Variants in CRB1 observed in about 807,000 individuals in gnomAD.
The protein encoded by CRB1 is crumbs cell polarity complex component 1.
Under a neutral mutation model 120.0 loss-of-function variants are expected in CRB1, and 83 were observed. The observed-to-expected ratio is 0.69, with a 90% CI of 0.58 to 0.83. CRB1 has a LOEUF of 0.83. Among genes scored for constraint, CRB1 ranks in the 40% least tolerant of loss-of-function variants. CRB1 has a pLI of 0.00. For missense variants in CRB1, 1,699 were observed against 1,687.6 expected (o/e 1.01, Z -0.12); for synonymous variants, 625 against 612.5 (o/e 1.02, Z -0.30).
At chr1:197,453,798 TTAA>T (rs1210809693) in intron 11 of CRB1, among the ~76,000 whole-genome samples, 5 of 143,330 alleles carry the variant, frequency 3.5e-5, no homozygotes, top group Admixed American at 7.3e-5. Flanking sequence ...TATTAATATA[TTAA>T]TAATAATATA....
At chr1:197,309,262 GTCT>G (rs932760172) in intron 1 of CRB1, among the ~76,000 whole-genome samples, 1 of 151,974 alleles carries the variant, frequency 6.6e-6, no homozygotes, top group Non-Finnish European at 1.5e-5. Flanking sequence ...GACTACTGTG[GTCT>G]TCTACAGAAG....
chr1:197,381,671 C>G (rs771319500), intron 5 of CRB1, among the ~76,000 whole-genome samples: 3 of 152,156 alleles, frequency 2.0e-5, no homozygotes, highest in Admixed American at 6.5e-5. Flanking sequence ...ACACATGCAG[C>G]CTTCAATTTG....
At chr1:197,355,637 G>T (rs930855034) in intron 4 of CRB1, among the ~76,000 whole-genome samples, 3 of 152,194 alleles carry the variant, frequency 2.0e-5, no homozygotes, top group Non-Finnish European at 4.4e-5. Flanking sequence ...CTGCTGGCCC[G>T]GGTGCTAAGC....
chr1:197,426,978 C>A (rs17554990), intron 6 of CRB1, among the ~76,000 whole-genome samples: 24,372 of 152,156 alleles, frequency 0.16, 2,342 homozygotes, highest in Non-Finnish European at 0.21. Context: ...GGTTTAATGA[C>A]ATGTTTGCTT....
At chr1:197,329,238 A>G (rs1658713464) in intron 2 of CRB1, among the ~76,000 whole-genome samples, 1 of 152,212 alleles carries the variant, frequency 6.6e-6, no homozygotes, top group Non-Finnish European at 1.5e-5. Flanking sequence ...TACATGATTT[A>G]AAACTGGATT....
At position 197,434,840 on chromosome 1, in the gene CRB1, G is replaced by A. The variant is rs151092557; in HGVS notation, c.2977G>A (p.Glu993Lys). 339 of 1,613,804 alleles carry A rather than the reference G, an allele frequency of 2.1e-4. 3 individuals are homozygous for A. The African/African-American group carries it at 3.8e-3, about 18-fold the overall frequency. The change falls in exon 9 of 12, where the codon GAA becomes AAA. Residue 993 changes from glutamate to lysine, a missense_variant. Glu to Lys is a moderately conservative substitution (Grantham distance 56, BLOSUM62 1). Coordinates refer to ENST00000367400, the MANE Select transcript of CRB1 (RefSeq NM_201253.3). ...TGCAAATGTAATAATATTGCATGCAGAAAAAGAGCCTGAATTTCTTAATAT... is the reference window on the plus strand; with the variant it reads ...TGCAAATGTAATAATATTGCATGCAAAAAAAGAGCCTGAATTTCTTAATAT... ...RDANVIILHA[E>K]KEPEFLNISI...
intron 6 of CRB1, among the ~76,000 whole-genome samples, 197 bp from the exon 7 acceptor site, chr1:197,427,257 T>G (rs992497379): frequency 2.6e-5 from 4 of 152,126 alleles, no homozygotes; most frequent in Admixed American, 6.6e-5. Context: ...TAAAGTAAAC[T>G]CAGAAGTCCA....
rs571001153 is a variant in CRB1 at position 197,427,647 on chromosome 1, G to A, written c.2322G>A (p.Met774Ile). 7 of 1,613,896 alleles carry A rather than the reference G, an allele frequency of 4.3e-6. No individual in the cohort carries two copies. Among genetic ancestry groups the A allele is most frequent in the South Asian group, 2.2e-5 (2 of 91,062 alleles). Residue 774 changes from methionine (M) to isoleucine (I), a missense_variant, in exon 7 of 12, where the codon ATG (methionine) becomes ATA (isoleucine). By Grantham distance (10) the Met-to-Ile change is conservative. Coordinates refer to ENST00000367400, the MANE Select transcript of CRB1 (RefSeq NM_201253.3). The stretch of plus-strand genomic sequence containing the variant: ...GGCTAGAGCGCGGCAGACTAGCAAT[G>A]CTGACTCCAAACTCTCCCAAATTAG... ...RVWLERGRLA[M>I]LTPNSPKLVV... is the part of the protein sequence containing the mutation.
intron 1 of CRB1, among the ~76,000 whole-genome samples, chr1:197,289,606 A>G (rs72740517): frequency 0.17 from 25,543 of 151,770 alleles, 2,376 homozygotes; most frequent in Middle Eastern, 0.25. Context: ...TCTCTTCGCC[A>G]TTCTCTCTGT....
At chr1:197,306,223 G>C (rs1485292709) in intron 1 of CRB1, among the ~76,000 whole-genome samples, 1 of 152,122 alleles carries the variant, frequency 6.6e-6, no homozygotes, top group Non-Finnish European at 1.5e-5. Context: ...TTGCTATATA[G>C]CAAGCTGTAA....
intron 1 of CRB1, among the ~76,000 whole-genome samples, chr1:197,270,957 T>C (rs1654873826): frequency 6.6e-6 from 1 of 152,130 alleles, no homozygotes; most frequent in Non-Finnish European, 1.5e-5. Flanking sequence ...TCCCAGCACT[T>C]TGAGAGGCTG....
At chr1:197,294,233 C>T (rs1394180187) in intron 1 of CRB1, among the ~76,000 whole-genome samples, 3 of 151,944 alleles carry the variant, frequency 2.0e-5, no homozygotes, top group Admixed American at 6.6e-5. Context: ...ATCAAACAAC[C>T]CCATCAAAAA....
intron 1 of CRB1, among the ~76,000 whole-genome samples, chr1:197,311,121 C>G (rs1319788788): frequency 1.3e-5 from 2 of 152,124 alleles, no homozygotes; most frequent in African/African-American, 4.8e-5. Flanking sequence ...GTCACAGTAG[C>G]CAAGACATGG....
intron 1 of CRB1, among the ~76,000 whole-genome samples, chr1:197,285,869 A>G (rs1655793833): frequency 6.6e-6 from 1 of 151,926 alleles, no homozygotes; most frequent in African/African-American, 2.4e-5. Context: ...CTCAATAAAT[A>G]TTAATTTTTA....
At chr1:197,370,877 A>G (rs1218866200) in intron 5 of CRB1, among the ~76,000 whole-genome samples, 1 of 152,134 alleles carries the variant, frequency 6.6e-6, no homozygotes, top group Non-Finnish European at 1.5e-5. Flanking sequence ...GACAACCGAT[A>G]CAAACCATTA....
chr1:197,286,408 A>C (rs922347432), intron 1 of CRB1, among the ~76,000 whole-genome samples: 1 of 151,932 alleles, frequency 6.6e-6, no homozygotes, highest in Non-Finnish European at 1.5e-5. Context: ...TGGCAAAGTA[A>C]GTGACAGAGC....
At chr1:197,233,308 G>A in the CRB1 span, among the ~76,000 whole-genome samples, 33 of 152,168 alleles carry the variant, frequency 2.2e-4, no homozygotes, top group Non-Finnish European at 1.5e-5. Context: ...TCAAGTAGTT[G>A]CCCTAATTGC....
At chr1:197,239,985 T>C in the CRB1 span, among the ~76,000 whole-genome samples, 892 of 151,610 alleles carry the variant, frequency 5.9e-3, 9 homozygotes, top group African/African-American at 0.018. Context: ...AACCTTACCT[T>C]CCTTTATGCC....
At chr1:197,457,589 A>T (rs1013261445) in intron 11 of CRB1, among the ~76,000 whole-genome samples, 1 of 152,176 alleles carries the variant, frequency 6.6e-6, no homozygotes, top group African/African-American at 2.4e-5. Context: ...CTGGCAGAGT[A>T]GTGCTTCACT....
Sources: allele counts gnomAD v4.1 joint callset (sites outside exome capture counted in the v4.1 genomes callset), GRCh38; gene constraint gnomAD v4.1.1; transcripts MANE v1.5; gene names NCBI Gene and HGNC (gene_info 2026-07-23, HGNC 2026-07-21).